CABIN1: variants seen among roughly 807,000 people sequenced by gnomAD.
The protein encoded by CABIN1 is calcineurin-binding protein cabin-1.
A neutral mutation model predicts 227.7 loss-of-function variants in CABIN1; 133 were observed. The observed-to-expected ratio is 0.58, with a 90% CI of 0.51 to 0.67. The LOEUF is 0.67. CABIN1 is among the 30% of genes least tolerant of loss of function. The pLI is 0.00. For synonymous variants in CABIN1, 1,086 were observed against 1,155.1 expected, an observed-to-expected ratio of 0.94 and a Z score of 1.21; for missense variants, 2,408 against 2,852.5, an observed-to-expected ratio of 0.84 and a Z score of 3.55.
chr22:24,107,211 A>G (rs1323288021), intron 26 of CABIN1, among the ~76,000 whole-genome samples: 1 of 152,112 alleles, frequency 6.6e-6, no homozygotes, highest in African/African-American at 2.4e-5. Flanking sequence ...CAGCATCATG[A>G]CCTGCAGGTG....
chr22:24,019,962 C>T (rs1281776108), intron 1 of CABIN1, among the ~76,000 whole-genome samples: 1 of 151,862 alleles, frequency 6.6e-6, no homozygotes, highest in Non-Finnish European at 1.5e-5. Context: ...TGGCCTTTAC[C>T]CATTTTTATA....
At position 24,177,936 on chromosome 22, in the gene CABIN1, G is replaced by A; in HGVS notation, c.6520-117G>A. On this transcript the variant is annotated intron_variant, in intron 36 of 36. Coordinates refer to ENST00000263119, the MANE Select transcript of CABIN1 (RefSeq NM_012295.4). The surrounding 1 kb of genome is among the most constrained non-coding windows in gnomAD (Gnocchi z 4.4). ...GGGGTGTGGGTGAGGATGGCATAGG[G>A]GCCTGGGGCAGGGGTGAGGGTGGGA... 6.5e-7 allele frequency: 1 copy of A among 1,542,758 alleles called. No individual in the cohort carries two copies. Among genetic ancestry groups the A allele is most frequent in the Non-Finnish European group, 8.8e-7 (1 of 1,135,730 alleles).
At chr22:24,014,576 C>T (rs1029496681) in intron 1 of CABIN1, among the ~76,000 whole-genome samples, 24 of 152,100 alleles carry the variant, frequency 1.6e-4, no homozygotes, top group African/African-American at 5.6e-4. Flanking sequence ...TAGGTTAGTT[C>T]CTTTCTTCCT....
intron 23 of CABIN1, among the ~76,000 whole-genome samples, chr22:24,088,154 T>A (rs2041294345): frequency 6.6e-6 from 1 of 152,152 alleles, no homozygotes; most frequent in Admixed American, 6.5e-5. Flanking sequence ...TAGGTCTCTG[T>A]TCAGTAGGGT....
chr22:24,146,621 C>A (rs1179985604), intron 29 of CABIN1, among the ~76,000 whole-genome samples: 1 of 152,194 alleles, frequency 6.6e-6, no homozygotes, highest in African/African-American at 2.4e-5. Flanking sequence ...CCTGCCCTGA[C>A]AGGACCACAG....
At chr22:24,158,061 G>A (rs531137510) in intron 29 of CABIN1, among the ~76,000 whole-genome samples, 231 of 152,332 alleles carry the variant, frequency 1.5e-3, no homozygotes, top group Non-Finnish European at 2.8e-3. Flanking sequence ...CACGACACCC[G>A]TGCCACGGGG....
chr22:24,026,795 G>T (rs1221689475), intron 1 of CABIN1, among the ~76,000 whole-genome samples: 1 of 152,112 alleles, frequency 6.6e-6, no homozygotes, highest in Non-Finnish European at 1.5e-5. Flanking sequence ...CAGCTTTATT[G>T]TAAGTTTTTA....
chr22:24,034,602 T>C (rs1350507000), intron 1 of CABIN1, among the ~76,000 whole-genome samples: 2 of 152,216 alleles, frequency 1.3e-5, no homozygotes, highest in Non-Finnish European at 2.9e-5. Context: ...CATGTTTTCA[T>C]TTCTTTTGGG....
In CABIN1 at chr22:24,131,134, A is replaced by G. The variant is rs542278510; in HGVS notation, c.4633-3168A>G. On this transcript the variant is annotated intron_variant, in intron 28 of 36. Transcript: ENST00000263119. ...CCTCTGTGCTTTCTCTTGTGTCCCC[A>G]GCCAGAAGGAAGTCTTTGTCGAGGC... Among the ~76,000 whole-genome samples the G allele has an allele frequency of 1.1e-4, 16 of 152,358 alleles. No individual in the cohort carries two copies. In the East Asian group the frequency reaches 2.5e-3, roughly 24 times the overall value.
At chr22:24,171,569 G>T in intron 33 of CABIN1, 144 bp from the exon 34 acceptor site, 1 of 871,438 alleles carries the variant, frequency 1.1e-6, no homozygotes, top group Non-Finnish European at 1.8e-6. Flanking sequence ...GCATTGTGGG[G>T]GCTCAGTGGT....
At chr22:24,106,920 A>G (rs1878891090) in intron 26 of CABIN1, among the ~76,000 whole-genome samples, 1 of 152,188 alleles carries the variant, frequency 6.6e-6, no homozygotes, top group African/African-American at 2.4e-5. Context: ...GACTTTTAGT[A>G]TTTGAAATCA....
chr22:24,017,897 A>G (rs988233442), intron 1 of CABIN1, among the ~76,000 whole-genome samples: 7 of 151,882 alleles, frequency 4.6e-5, no homozygotes, highest in Admixed American at 1.3e-4. Flanking sequence ...TTAAAATAGT[A>G]TGGTGCTCTT....
chr22:24,073,302 A>G (rs942264993), intron 18 of CABIN1, among the ~76,000 whole-genome samples: 7 of 152,100 alleles, frequency 4.6e-5, no homozygotes, highest in Non-Finnish European at 8.8e-5. Flanking sequence ...GGCCTAATGC[A>G]CATCTAGTTT....
Position 24,064,145 on chromosome 22 carries a change from G to C in CABIN1, c.1995G>C (p.Arg665=). 6.2e-7 allele frequency: 1 copy of C among 1,614,212 alleles called. No individual in the cohort carries two copies. Among genetic ancestry groups the C allele is most frequent in the Non-Finnish European group, 8.5e-7 (1 of 1,180,038 alleles). The change falls in exon 15 of 37, where the codon CGG becomes CGC. Residue 665 remains arginine (R), a synonymous_variant. Coordinates refer to ENST00000263119, the MANE Select transcript of CABIN1 (RefSeq NM_012295.4). ...CTGAACGAAGAGACATTGTCATCCG[G>C]CTGCCCAACCTCCATAATGACTCTG... ...AGAERRDIVI[R]LPNLHNDSVV... is the part of the protein sequence containing the mutation.
At chr22:24,155,289 G>A in intron 29 of CABIN1, among the ~76,000 whole-genome samples, 1 of 152,180 alleles carries the variant, frequency 6.6e-6, no homozygotes. Context: ...ATCTGTAGCA[G>A]GGTACAGTAC....
At position 24,167,093 on chromosome 22, in the gene CABIN1, C is replaced by A; in HGVS notation, c.5462C>A (p.Ala1821Asp). The A allele has an allele frequency of 6.5e-7, 1 of 1,545,552 alleles. No homozygotes were observed. The highest frequency in any genetic ancestry group is 8.7e-7 in the Non-Finnish European group (1 of 1,145,324). ...TPLTPAQPAP[A>D]PAPATTTGTR... is the part of the protein sequence containing the mutation. ...CTCACCCCAGCCCAGCCAGCCCCCG[C>A]CCCCGCCCCCGCCACCACCACAGGG... The change falls in exon 32 of 37, where the codon GCC becomes GAC. Residue 1821 changes from alanine (A) to aspartate (D), a missense_variant. Physicochemically the swap from Ala to Asp is moderately radical, Grantham distance 126 (BLOSUM62 -2). Coordinates refer to ENST00000263119, the MANE Select transcript of CABIN1 (RefSeq NM_012295.4).
chr22:24,090,143 T>C (rs116751875), intron 23 of CABIN1, among the ~76,000 whole-genome samples: 1,676 of 152,286 alleles, frequency 0.011, 30 homozygotes, highest in African/African-American at 0.038. Context: ...ACAGGGACAT[T>C]GGCATTGTGC....
rs1180075340 is a variant in CABIN1 at position 24,012,941 on chromosome 22, A to G, written c.-75+1574A>G. Among the ~76,000 whole-genome samples the G allele has an allele frequency of 4.0e-5, 6 of 151,714 alleles. No individual in the cohort carries two copies. In the East Asian group the frequency reaches 1.2e-3, roughly 30 times the overall value. On this transcript the variant is annotated intron_variant, in intron 1 of 36. Transcript: ENST00000263119. ...ATGCTTGGCTAATTTTTGTATTTTT[A>G]GTAGAGACGGGGTTTCACCGTATTG...
At chr22:24,080,907 A>G (rs1428861463) in intron 19 of CABIN1, among the ~76,000 whole-genome samples, 2 of 152,126 alleles carry the variant, frequency 1.3e-5, no homozygotes. Context: ...CAATCCTTAT[A>G]GTTTTTTTCT....
Sources: allele counts gnomAD v4.1 joint callset (sites outside exome capture counted in the v4.1 genomes callset), GRCh38; gene constraint gnomAD v4.1.1; non-coding constraint Gnocchi (gnomAD v3.1); transcripts MANE v1.5; gene names NCBI Gene and HGNC (gene_info 2026-07-23, HGNC 2026-07-21).